PDE1C: variants seen among roughly 807,000 people sequenced by gnomAD.
PDE1C encodes the protein phosphodiesterase 1C, also known as dual specificity calcium/calmodulin-dependent 3',5'-cyclic nucleotide phosphodiesterase 1C.
A neutral mutation model predicts 93.1 loss-of-function variants in PDE1C; 62 were observed. The ratio of observed to expected loss-of-function variants is 0.67; its 90% CI spans 0.54 to 0.82. PDE1C has a LOEUF of 0.82. Among genes scored for constraint, PDE1C ranks in the 40% least tolerant of loss-of-function variants. The pLI is 0.00. For synonymous variants in PDE1C, 325 were observed against 310.1 expected (o/e 1.05, Z -0.50); for missense variants, 742 against 884.6 (o/e 0.84, Z 2.04).
chr7:32,270,868 C>CGA (rs1554298592), intron 1 of PDE1C, among the ~76,000 whole-genome samples: 1 of 152,074 alleles, frequency 6.6e-6, no homozygotes, highest in Non-Finnish European at 1.5e-5. Flanking sequence ...CAGTGGCTCA[C>CGA]GCCTGTAATC....
chr7:32,253,143 G>A (rs76327348), intron 1 of PDE1C, among the ~76,000 whole-genome samples: 2,201 of 152,246 alleles, frequency 0.014, 22 homozygotes, highest in Non-Finnish European at 0.02. Flanking sequence ...ATCTTAGAAA[G>A]AACAATATTT....
At position 32,261,634 on chromosome 7, in the gene PDE1C, T is replaced by G. The variant is rs139415887; in HGVS notation, c.85+37017A>C. On this transcript the variant is annotated intron_variant, in intron 1 of 18. Transcript: ENST00000396193. ...ACAGAAGTCAGAAAGTTCCCATCAA[T>G]GATGTATGAGTTCACTGTTGGCCTC... 1.4e-4 allele frequency among the ~76,000 whole-genome samples: 21 copies of G among 152,314 alleles called. No individual in the cohort carries two copies. The East Asian group carries it at 4.0e-3, about 29-fold the overall frequency.
At chr7:32,278,131 A>AAG (rs1348627891) in intron 1 of PDE1C, among the ~76,000 whole-genome samples, 3 of 151,906 alleles carry the variant, frequency 2.0e-5, no homozygotes, top group South Asian at 4.2e-4. Flanking sequence ...AGTTGCCAAA[A>AAG]AAAAAAAAAT....
intron 2 of PDE1C, among the ~76,000 whole-genome samples, chr7:32,198,038 T>C (rs1804741029): frequency 6.6e-6 from 1 of 152,240 alleles, no homozygotes. Flanking sequence ...TAATTTTTAA[T>C]TGTGAATTAC....
At chr7:31,680,118 T>G in the PDE1C span, among the ~76,000 whole-genome samples, 1 of 152,194 alleles carries the variant, frequency 6.6e-6, no homozygotes, top group Non-Finnish European at 1.5e-5. Context: ...TAATTGAGCA[T>G]CAGAGAAGCC....
intron 1 of PDE1C, among the ~76,000 whole-genome samples, chr7:32,355,227 G>A (rs1784008670): frequency 6.6e-6 from 1 of 152,214 alleles, no homozygotes; most frequent in Admixed American, 6.5e-5. Flanking sequence ...AAGCTGCCCT[G>A]GCAGTTAATA....
the PDE1C span, among the ~76,000 whole-genome samples, chr7:31,645,748 TCA>T: frequency 6.6e-6 from 1 of 152,102 alleles, no homozygotes; most frequent in Non-Finnish European, 1.5e-5. Context: ...TTTTTAGTTG[TCA>T]CAACGGGAGG....
chr7:31,722,011 T>G, the PDE1C span, among the ~76,000 whole-genome samples: 15 of 152,294 alleles, frequency 9.8e-5, no homozygotes, highest in African/African-American at 2.6e-4. Context: ...CGGCTCAAAC[T>G]CTGGTCATAT....
chr7:32,316,165 T>C (rs776050129), intron 1 of PDE1C, among the ~76,000 whole-genome samples: 48 of 152,308 alleles, frequency 3.2e-4, no homozygotes, highest in Non-Finnish European at 5.0e-4. Context: ...AAGCCTAGCA[T>C]CAAGTAGGTG....
At chr7:31,836,105 A>C (rs1374093261) in intron 11 of PDE1C, among the ~76,000 whole-genome samples, 2 of 152,138 alleles carry the variant, frequency 1.3e-5, no homozygotes, top group Admixed American at 6.5e-5. Context: ...ATTAACTTGA[A>C]TTTATTATAA....
intron 11 of PDE1C, among the ~76,000 whole-genome samples, chr7:31,832,380 C>G (rs1315590350): frequency 6.6e-6 from 1 of 152,174 alleles, no homozygotes; most frequent in Non-Finnish European, 1.5e-5. Context: ...TACCCTGAGG[C>G]AGTGGCTCGG....
At chr7:32,049,564 CT>C in intron 2 of PDE1C, among the ~76,000 whole-genome samples, 1 of 152,246 alleles carries the variant, frequency 6.6e-6, no homozygotes, top group East Asian at 1.9e-4. Flanking sequence ...CTGGACACCC[CT>C]GGAGGAGACC....
chr7:32,056,368 A>AACAC (rs375602478), intron 1 of PDE1C, among the ~76,000 whole-genome samples: 15,738 of 119,164 alleles, frequency 0.13, 1,066 homozygotes, highest in East Asian at 0.28. Flanking sequence ...CTCTCACTGA[A>AACAC]ACACACACAC....
chr7:31,841,751 T>TACATACATATCA (rs61622707), intron 9 of PDE1C, among the ~76,000 whole-genome samples: 1 of 151,856 alleles, frequency 6.6e-6, no homozygotes, highest in Non-Finnish European at 1.5e-5. Context: ...ACCAATAGGA[T>TACATACATATCA]AGAAAGAGAT....
chr7:31,949,916 T>C (rs1807131298), intron 2 of PDE1C, among the ~76,000 whole-genome samples: 1 of 152,186 alleles, frequency 6.6e-6, no homozygotes, highest in Admixed American at 6.5e-5. Flanking sequence ...GATTTTCTTT[T>C]TTTCTGATTA....
At position 32,201,617 on chromosome 7, in the gene PDE1C, AT is replaced by A. The variant is rs1313949391; in HGVS notation, c.136+7871del. Among the ~76,000 whole-genome samples the A allele has an allele frequency of 2.6e-5, 4 of 152,298 alleles. No individual in the cohort carries two copies. The East Asian group carries it at 7.7e-4, about 29-fold the overall frequency. Reference sequence around the variant, plus strand: ...GTCAAGTGGCTGCTCTGCATGAGAGATCCCAGGAGTGGCTCTGATTCCTAAA... The same window carrying A: ...GTCAAGTGGCTGCTCTGCATGAGAGACCCAGGAGTGGCTCTGATTCCTAAA... On this transcript the variant is annotated intron_variant, in intron 2 of 18. Coordinates refer to the PDE1C transcript ENST00000396193.
the PDE1C span, among the ~76,000 whole-genome samples, chr7:31,635,001 T>C: frequency 6.6e-6 from 1 of 152,214 alleles, no homozygotes; most frequent in Non-Finnish European, 1.5e-5. Flanking sequence ...CTGGTACCAC[T>C]GCCATTACTC....
chr7:31,897,841 C>T (rs1180773645), intron 2 of PDE1C, among the ~76,000 whole-genome samples: 1 of 152,162 alleles, frequency 6.6e-6, no homozygotes, highest in African/African-American at 2.4e-5. Context: ...CTCAAGACTA[C>T]AAACCAATGG....
intron 3 of PDE1C, among the ~76,000 whole-genome samples, chr7:32,083,079 A>C (rs1461775230): frequency 6.6e-6 from 1 of 151,758 alleles, no homozygotes; most frequent in African/African-American, 2.4e-5. Context: ...AATTCAAACC[A>C]AAGGCAAAGA....
Sources: allele counts gnomAD v4.1 joint callset (sites outside exome capture counted in the v4.1 genomes callset), GRCh38; gene constraint gnomAD v4.1.1; transcripts MANE v1.5; gene names NCBI Gene and HGNC (gene_info 2026-07-23, HGNC 2026-07-21).